Variants in SLC10A6 observed in about 807,000 individuals in gnomAD.
SLC10A6 encodes solute carrier family 10 member 6.
A neutral mutation model predicts 30.0 loss-of-function variants in SLC10A6; 27 were observed. That is an observed-to-expected ratio of 0.90 (90% CI 0.66 to 1.24). The LOEUF (loss-of-function observed/expected upper bound fraction) is 1.24. Ranked by LOEUF, SLC10A6 falls within the 50% of genes most tolerant of loss-of-function variation. SLC10A6 has a pLI of 0.00. For missense variants in SLC10A6, 439 were observed against 457.0 expected (o/e 0.96, Z 0.36); for synonymous variants, 166 against 173.8 (o/e 0.95, Z 0.36).
In SLC10A6 at chr4:86,849,036, T is replaced by C. The variant is rs778719128; in HGVS notation, c.80A>G (p.His27Arg). ...TGTGAAAACGAGCTCCAGGTTTCCATGCACCTCCAGTCCCACTGGCAGCTC... is the reference window on the plus strand; with the variant it reads ...TGTGAAAACGAGCTCCAGGTTTCCACGCACCTCCAGTCCCACTGGCAGCTC... Reference protein sequence around the residue: ...EEELPVGLEVHGNLELVFTVV... With the variant: ...EEELPVGLEVRGNLELVFTVV... Residue 27 changes from histidine (H) to arginine (R), a missense_variant, in exon 1 of 6, where the codon CAT (histidine) becomes CGT (arginine). Physicochemically the swap from His to Arg is conservative, Grantham distance 29. Coordinates refer to ENST00000273905, the MANE Select transcript of SLC10A6 (RefSeq NM_197965.3). 1.2e-5 allele frequency: 20 copies of C among 1,614,170 alleles called. No individual in the cohort carries two copies. Among genetic ancestry groups the C allele is most frequent in the African/African-American group, 2.7e-5 (2 of 75,040 alleles).
rs189020195 is a variant in SLC10A6 at position 86,841,432 on chromosome 4, G to A, written c.377+7307C>T. ...AGTCACGCCTTGTATTTTTAGCCAT[G>A]AAATTCCAATGTAGCATAAACAGAG... On this transcript the variant is annotated intron_variant, in intron 1 of 5. Coordinates refer to ENST00000273905, the MANE Select transcript of SLC10A6 (RefSeq NM_197965.3). 2.3e-3 allele frequency among the ~76,000 whole-genome samples: 349 copies of A among 152,314 alleles called. 1 individual carries two copies. The highest frequency in any genetic ancestry group is 8.2e-3 in the African/African-American group (342 of 41,574).
intron 2 of SLC10A6, 107 bp from the exon 3 acceptor site, chr4:86,831,987 TC>T: frequency 1.1e-6 from 1 of 871,378 alleles, no homozygotes; most frequent in Non-Finnish European, 1.9e-6. Context: ...ACTGACATTT[TC>T]CCATGCCACT....
intron 1 of SLC10A6, among the ~76,000 whole-genome samples, chr4:86,842,791 T>C (rs1353985003): frequency 1.6e-3 from 5 of 3,218 alleles, no homozygotes; most frequent in Admixed American, 6.8e-3. Context: ...ACCTCTTTTC[T>C]TTCTTTCTTT....
At chr4:86,829,852 G>GAAAATAA (rs1427360696) in intron 3 of SLC10A6, among the ~76,000 whole-genome samples, 1 of 151,986 alleles carries the variant, frequency 6.6e-6, no homozygotes, top group Non-Finnish European at 1.5e-5. Context: ...GCTCGTTACA[G>GAAAATAA]AAAATAAAAC....
Position 86,828,083 on chromosome 4 carries a change from A to G in SLC10A6, c.671T>C (p.Ile224Thr), listed in dbSNP as rs369294275. The change falls in exon 4 of 6, where the codon ATC (isoleucine) becomes ACC (threonine). Residue 224 changes from isoleucine (I) to threonine (T), a missense_variant. By Grantham distance (89) the Ile-to-Thr change is moderately conservative (BLOSUM62 -1). Transcript: ENST00000273905. ...VLAKGSWNSDITLLTISFIFP... is the reference protein window; with the variant it reads ...VLAKGSWNSDTTLLTISFIFP... ...GATGAAACTGATGGTCAGAAGGGTG[A>G]TGTCTGAATTCCAAGATCCTTTCGC... 2 of 1,613,858 alleles carry G rather than the reference A, an allele frequency of 1.2e-6. No homozygotes were observed. The highest frequency in any genetic ancestry group is 1.7e-6 in the Non-Finnish European group (2 of 1,179,928).
At chr4:86,835,623 T>C (rs1183586653) in intron 1 of SLC10A6, among the ~76,000 whole-genome samples, 2 of 150,864 alleles carry the variant, frequency 1.3e-5, no homozygotes, top group Admixed American at 6.6e-5. Context: ...GCCACGATCA[T>C]GCCACTGCAC....
chr4:86,840,073 C>T (rs960908383), intron 1 of SLC10A6, among the ~76,000 whole-genome samples: 6 of 150,168 alleles, frequency 4.0e-5, no homozygotes, highest in African/African-American at 1.5e-4. Flanking sequence ...CCACACCAGG[C>T]TAATTTTTTT....
rs1177762667 is a variant in SLC10A6 at position 86,825,487 on chromosome 4, G to C, written c.852C>G (p.Val284=). ...LQLSFTAEHL[V]QMLSFPLAYG... ...AGGCCAGTGGGAAACTCAACATCTG[G>C]ACCAAGTGCTCAGCAGTGAAAGATA... Residue 284 remains valine (V), a synonymous_variant, in exon 5 of 6, where the codon GTC becomes GTG. Coordinates refer to ENST00000273905, the MANE Select transcript of SLC10A6 (RefSeq NM_197965.3). 1 of 1,613,028 alleles carries C rather than the reference G, an allele frequency of 6.2e-7. No homozygotes were observed. Among genetic ancestry groups the C allele is most frequent in the Non-Finnish European group, 8.5e-7 (1 of 1,179,260 alleles).
chr4:86,831,746 C>T (rs1746084369), intron 3 of SLC10A6, 46 bp downstream of exon 3: 1 of 1,504,978 alleles, frequency 6.6e-7, no homozygotes, highest in Non-Finnish European at 9.2e-7. Context: ...GTCTTTCAGG[C>T]CCCTGAGTCT....
In SLC10A6 at chr4:86,848,881, T is replaced by C. The variant is rs374782349; in HGVS notation, c.235A>G (p.Met79Val). 1.7e-5 allele frequency: 28 copies of C among 1,614,122 alleles called. No individual in the cohort carries two copies. The highest frequency in any genetic ancestry group is 2.1e-5 in the Non-Finnish European group (25 of 1,180,046). ...AVGLLCQFGL[M>V]PFTAYLLAIS... The stretch of plus-strand genomic sequence containing the variant: ...GCCAGGAGATAAGCTGTAAAAGGCA[T>C]GAGCCCAAACTGGCAGAGCAGTCCC... Residue 79 changes from methionine to valine, a missense_variant, in exon 1 of 6, where the codon ATG becomes GTG. By Grantham distance (21) the Met-to-Val change is conservative. Coordinates refer to ENST00000273905, the MANE Select transcript of SLC10A6 (RefSeq NM_197965.3).
rs1266246851 is a variant in SLC10A6 at position 86,825,415 on chromosome 4, C to A, written c.919+5G>T. ...TTATTTCCTACCCAATGGGTGTTCA[C>A]CCACCTGCAACAATAAGAAATCCAT... is the stretch of plus-strand genomic sequence containing the variant. On this transcript the variant is annotated splice_donor_5th_base_variant and intron_variant, in intron 5 of 5. Coordinates refer to ENST00000273905, the MANE Select transcript of SLC10A6 (RefSeq NM_197965.3). The A allele has an allele frequency of 6.3e-7, 1 of 1,583,102 alleles. No individual in the cohort carries two copies. Among genetic ancestry groups the A allele is most frequent in the South Asian group, 1.1e-5 (1 of 88,664 alleles).
At chr4:86,843,036 T>G in intron 1 of SLC10A6, among the ~76,000 whole-genome samples, 1 of 151,812 alleles carries the variant, frequency 6.6e-6, no homozygotes, top group Admixed American at 6.6e-5. Context: ...CACACCTGGC[T>G]AATTTTGTAT....
intron 1 of SLC10A6, among the ~76,000 whole-genome samples, chr4:86,844,071 G>A (rs948600857): frequency 4.6e-5 from 7 of 152,020 alleles, no homozygotes; most frequent in African/African-American, 1.2e-4. Context: ...CCAGCTACTC[G>A]GGAGGCTGAG....
At chr4:86,836,527 G>A (rs570516285) in intron 1 of SLC10A6, among the ~76,000 whole-genome samples, 6 of 152,102 alleles carry the variant, frequency 3.9e-5, no homozygotes, top group Admixed American at 6.6e-5. Flanking sequence ...CTTCCACCAC[G>A]TGAGGAGCAA....
chr4:86,847,620 A>G (rs1253376098), intron 1 of SLC10A6, among the ~76,000 whole-genome samples: 1 of 152,108 alleles, frequency 6.6e-6, no homozygotes, highest in Non-Finnish European at 1.5e-5. Context: ...GTTAGTTCCT[A>G]TTCTGCATGG....
chr4:86,834,419 G>A (rs1235790800), intron 1 of SLC10A6, among the ~76,000 whole-genome samples: 1 of 152,294 alleles, frequency 6.6e-6, no homozygotes, highest in East Asian at 1.9e-4. Context: ...CATGGGCTAA[G>A]ACAAGGTTTA....
intron 1 of SLC10A6, among the ~76,000 whole-genome samples, chr4:86,837,225 GAGAAAGAAAGAAAGAAAGAA>G (rs530121412): frequency 2.6e-4 from 10 of 39,128 alleles, no homozygotes; most frequent in African/African-American, 9.0e-4. Context: ...GAGAGAGAGA[GAGAAAGAAAGAAAGAAAGAA>G]AGAAAGAAAG....
intron 1 of SLC10A6, among the ~76,000 whole-genome samples, chr4:86,837,923 G>T (rs1046330004): frequency 2.6e-5 from 4 of 152,152 alleles, no homozygotes; most frequent in Admixed American, 2.6e-4. Flanking sequence ...ATACGTCAAG[G>T]TCTTCTGCAT....
In SLC10A6 at chr4:86,831,786, A is replaced by C. The variant is rs1234899313; in HGVS notation, c.585+6T>G. On this transcript the variant is annotated splice_donor_region_variant and intron_variant, in intron 3 of 5. Transcript: ENST00000273905. ...ACGTGCCAACAGTGGCCATGAAGTC[A>C]CTCACCTTGAGAATGATTTTGGATT... 3.1e-6 allele frequency: 5 copies of C among 1,610,548 alleles called. No homozygotes were observed. The South Asian group carries it at 5.5e-5, about 18-fold the overall frequency.
Sources: allele counts gnomAD v4.1 joint callset (sites outside exome capture counted in the v4.1 genomes callset), GRCh38; gene constraint gnomAD v4.1.1; transcripts MANE v1.5; gene names NCBI Gene and HGNC (gene_info 2026-07-23, HGNC 2026-07-21).